Variants in TLE2 observed in about 807,000 individuals in gnomAD.
TLE2 encodes the protein transducin-like enhancer protein 2.
Under a neutral mutation model 97.2 loss-of-function variants are expected in TLE2, and 74 were observed. That is an observed-to-expected ratio of 0.76 (90% confidence interval 0.63 to 0.92). TLE2 has a LOEUF of 0.92. TLE2 is among the 40% of genes least tolerant of loss of function. The pLI, the probability that TLE2 is intolerant of heterozygous loss-of-function variation, is 0.00. For missense variants in TLE2, 1,038 were observed against 1,008.7 expected, an observed-to-expected ratio of 1.03 and a Z score of -0.39; for synonymous variants, 499 against 432.1, an observed-to-expected ratio of 1.15 and a Z score of -1.92.
chr19:3,019,225 C>A lies in TLE2; in HGVS notation c.550+58G>T. The A allele has an allele frequency of 6.5e-7, 1 of 1,534,872 alleles. No individual in the cohort carries two copies. Among genetic ancestry groups the A allele is most frequent in the South Asian group, 1.2e-5 (1 of 83,592 alleles). On this transcript the variant is annotated intron_variant, in intron 7 of 19. Transcript: ENST00000262953. The surrounding 1 kb of genome is among the most constrained non-coding windows in gnomAD (Gnocchi z 5.1). ...GCTGATGTTTGCTACCCTGGACTGC[C>A]AGTCGTCCTCCCCAGCCCCGTCTCC...
intron 13 of TLE2, 56 bp downstream of exon 13, chr19:3,009,486 G>A (rs911204516): frequency 9.0e-5 from 136 of 1,516,044 alleles, no homozygotes; most frequent in Admixed American, 2.3e-4. Flanking sequence ...TTCTCCTCCC[G>A]GCCCCCAGCC....
At chr19:3,034,158 C>T (rs1018599190), upstream of TLE2, among the ~76,000 whole-genome samples, 1 of 152,042 alleles carries the variant, frequency 6.6e-6, no homozygotes, top group South Asian at 2.1e-4. Context: ...TAAACCAGAG[C>T]ATCACCCTAG....
At position 3,025,001 on chromosome 19, in the gene TLE2, C is replaced by G. The variant is rs201556425; in HGVS notation, c.294+19G>C. 9.6e-5 allele frequency: 152 copies of G among 1,578,692 alleles called. No homozygotes were observed. Among genetic ancestry groups the G allele is most frequent in the South Asian group, 1.5e-4 (13 of 86,038 alleles). On this transcript the variant is annotated intron_variant, in intron 5 of 19. Transcript: ENST00000262953. ...TCCGGCTCCCTTCCCCTCCTCCCCCCACCCCCAGGCCCACTCACCTCCTGG... is the reference window on the plus strand; with the variant it reads ...TCCGGCTCCCTTCCCCTCCTCCCCCGACCCCCAGGCCCACTCACCTCCTGG...
Position 2,997,671 on chromosome 19 carries a change from A to C in TLE2, c.*177T>G. The C allele has an allele frequency of 3.4e-6, 2 of 584,374 alleles. No homozygotes were observed. The highest frequency in any genetic ancestry group is 4.2e-5 in the South Asian group (2 of 47,564). The allele number at this position is 584,374 out of a possible 1,614,324, so 36.2% of individuals were successfully genotyped here. A position where few individuals can be genotyped will look rare whatever the true frequency, so the allele number is the denominator to read the frequency against. On this transcript the variant is annotated 3_prime_UTR_variant, in exon 20 of 20. Transcript: ENST00000262953. ...TGATAGATACATTTTATTTCCACCG[A>C]GGTCCCCTGCCCATCGGCCCCCACA...
intron 11 of TLE2, among the ~76,000 whole-genome samples, chr19:3,012,315 G>A (rs376196425): frequency 1.3e-5 from 2 of 152,020 alleles, no homozygotes; most frequent in African/African-American, 4.8e-5. Context: ...TCCCATGCTC[G>A]AGTGATCCTC....
chr19:3,028,899 G>T lies in TLE2; in HGVS notation c.6C>A (p.Tyr2Ter). The T allele has an allele frequency of 4.3e-6, 7 of 1,610,642 alleles. No individual in the cohort carries two copies. The highest frequency in any genetic ancestry group is 5.9e-6 in the Non-Finnish European group (7 of 1,179,624). M[Y>*]PQGRHPTPLQ... ...CACTCACCGGGTGCCTTCCCTGGGG[G>T]TACATCCTGCCGATCCGAAAAGCCC... The change falls in exon 1 of 20, where the codon TAC becomes TAA. Residue 2 changes from tyrosine to a stop codon, truncating the protein, a stop_gained. Coordinates refer to ENST00000262953, the MANE Select transcript of TLE2 (RefSeq NM_003260.5). LOFTEE classifies it high-confidence loss of function.
At position 3,005,828 on chromosome 19, in the gene TLE2, G is replaced by A. The variant is rs761707695; in HGVS notation, c.1641C>T (p.Ala547=). The change falls in exon 16 of 20, where the codon GCC becomes GCT. Residue 547 remains alanine (A), a synonymous_variant. Coordinates refer to ENST00000262953, the MANE Select transcript of TLE2 (RefSeq NM_003260.5). ...TGACGGCCAGGGCGTAGCAGGCTGG[G>A]GCTGAGGAAGTCAGCTCGGCCTTGA... The part of the protein sequence containing the change: ...PRIKAELTSS[A]PACYALAVSP... 1.2e-6 allele frequency: 2 copies of A among 1,613,982 alleles called. No individual in the cohort carries two copies. The highest frequency in any genetic ancestry group is 1.7e-6 in the Non-Finnish European group (2 of 1,179,882).
intron 1 of TLE2, among the ~76,000 whole-genome samples, chr19:3,043,858 C>T (rs1475787402): frequency 1.3e-5 from 2 of 151,790 alleles, no homozygotes; most frequent in Admixed American, 6.6e-5. Context: ...GTGGCGGGGG[C>T]CTGTAATCCC....
chr19:3,022,100 A>G (rs970060913), intron 5 of TLE2, among the ~76,000 whole-genome samples: 23 of 150,272 alleles, frequency 1.5e-4, no homozygotes, highest in African/African-American at 3.2e-4. Flanking sequence ...ACAGGCTGGA[A>G]TGCAGTGGCG....
chr19:3,015,731 G>A lies in TLE2; in HGVS notation c.600C>T (p.Leu200=), dbSNP rs537688698. ...GGCCACTCGGTCGCTCCTCCTCCAC[G>A]AGACTCTCAGGGGGCGAGGGAGATG... ...RSASPSPPES[L]VEEERPSGPG... Residue 200 remains leucine, a synonymous_variant, in exon 9 of 20, where the codon CTC becomes CTT. Coordinates refer to ENST00000262953, the MANE Select transcript of TLE2 (RefSeq NM_003260.5). 15 of 1,610,748 alleles carry A rather than the reference G, an allele frequency of 9.3e-6. No individual in the cohort carries two copies. The highest frequency in any genetic ancestry group is 6.7e-5 in the African/African-American group (5 of 74,930).
chr19:3,026,799 A>G (rs1408056815), intron 4 of TLE2, among the ~76,000 whole-genome samples: 1 of 151,992 alleles, frequency 6.6e-6, no homozygotes, highest in Non-Finnish European at 1.5e-5. Flanking sequence ...CCTGAGGTTT[A>G]TCTCTGACCC....
chr19:3,014,264 A>T (rs1324773244), intron 10 of TLE2, among the ~76,000 whole-genome samples: 2 of 152,164 alleles, frequency 1.3e-5, no homozygotes. Flanking sequence ...AAGCACCCAT[A>T]GCGAGGACTA....
At chr19:3,030,082 CG>C (rs1305164328), upstream of TLE2, among the ~76,000 whole-genome samples, 1 of 152,138 alleles carries the variant, frequency 6.6e-6, no homozygotes, top group Non-Finnish European at 1.5e-5. Flanking sequence ...GGATTACGGG[CG>C]GGAGCCACCG....
chr19:3,039,061 T>TTA lies in TLE2; in HGVS notation c.63+6664_63+6665insTA, dbSNP rs1555695444. Among the ~76,000 whole-genome samples the TTA allele has an allele frequency of 4.6e-3, 564 of 121,512 alleles. 19 individuals are homozygous for TTA. The highest frequency in any genetic ancestry group is 0.017 in the African/African-American group (540 of 32,302). The allele number at this position is 121,512 out of a possible 152,430, so 79.7% of individuals were successfully genotyped here. On this transcript the variant is annotated intron_variant, in intron 1 of 18. Coordinates refer to the TLE2 transcript ENST00000426948. Reference sequence around the variant, plus strand: ...CACGACTCAAAAAAAAAATAAAAATTAAAAAAAAAAAATTAGCTGGGTGTG... The same window carrying TTA: ...CACGACTCAAAAAAAAAATAAAAATTTAAAAAAAAAAAAATTAGCTGGGTGTG...
At position 3,028,690 on chromosome 19, in the gene TLE2, G is replaced by C; in HGVS notation, c.122+16C>G. 1 of 1,612,278 alleles carries C rather than the reference G, an allele frequency of 6.2e-7. No homozygotes were observed. The highest frequency in any genetic ancestry group is 8.5e-7 in the Non-Finnish European group (1 of 1,179,518). ...CCCAGGTGAACTCCCGCGGCCCCTG[G>C]GGCGGCCCCCCTCACCTGTGGTATT... is the stretch of plus-strand genomic sequence containing the variant. On this transcript the variant is annotated intron_variant, in intron 2 of 19. Transcript: ENST00000262953.
At chr19:3,023,054 A>ATCT (rs113352342) in intron 5 of TLE2, among the ~76,000 whole-genome samples, 22,828 of 140,650 alleles carry the variant, frequency 0.16, 2,095 homozygotes, top group Middle Eastern at 0.23. Context: ...ATTTTACCTA[A>ATCT]TCTTTTTTTT....
At chr19:3,004,666 T>A (rs978827209) in intron 17 of TLE2, among the ~76,000 whole-genome samples, 1 of 150,256 alleles carries the variant, frequency 6.7e-6, no homozygotes, top group African/African-American at 2.5e-5. Flanking sequence ...TAGCTCCTCT[T>A]AGGTTTCAAG....
At position 3,019,186 on chromosome 19, in the gene TLE2, C is replaced by G. The variant is rs1193731817; in HGVS notation, c.550+97G>C. The G allele has an allele frequency of 6.8e-7, 1 of 1,473,780 alleles. No homozygotes were observed. Among genetic ancestry groups the G allele is most frequent in the Admixed American group, 2.1e-5 (1 of 47,482 alleles). The allele number at this position is 1,473,780 out of a possible 1,614,324, so 91.3% of individuals were successfully genotyped here. On this transcript the variant is annotated intron_variant, in intron 7 of 19. Transcript: ENST00000262953. The surrounding 1 kb of genome is among the most constrained non-coding windows in gnomAD (Gnocchi z 5.1). ...TTGTTGGGATTATAGGCATGAGCCA[C>G]TTCATCCCCTCACGCTGATGTTTGC...
chr19:3,039,958 C>T (rs1281568707), intron 1 of TLE2, among the ~76,000 whole-genome samples: 8 of 152,206 alleles, frequency 5.3e-5, no homozygotes, highest in African/African-American at 1.9e-4. Flanking sequence ...AGTCATCACA[C>T]GATCAAATAG....
Sources: allele counts gnomAD v4.1 joint callset (sites outside exome capture counted in the v4.1 genomes callset), GRCh38; gene constraint gnomAD v4.1.1; non-coding constraint Gnocchi (gnomAD v3.1); transcripts MANE v1.5; gene names NCBI Gene and HGNC (gene_info 2026-07-23, HGNC 2026-07-21).